Variants in PRAMEF14 observed in about 807,000 individuals in gnomAD.
The protein encoded by PRAMEF14 is PRAME family member 14.
In PRAMEF14, 24 loss-of-function variants were observed where a neutral mutation model predicts 38.3. That is an observed-to-expected ratio of 0.63 (90% CI 0.45 to 0.88). The LOEUF (loss-of-function observed/expected upper bound fraction) is 0.88, where lower values mean the gene tolerates loss of function less well. PRAMEF14 is among the 40% of genes least tolerant of loss of function. The pLI, the probability that PRAMEF14 is intolerant of heterozygous loss-of-function variation, is 0.00. For synonymous variants in PRAMEF14, 194 were observed against 226.4 expected, an observed-to-expected ratio of 0.86 and a Z score of 1.29; for missense variants, 477 against 570.8, an observed-to-expected ratio of 0.84 and a Z score of 1.67.
rs1484682561 is a variant in PRAMEF14, at chr1:13,346,432, T to A, written c.-26+625A>T. Among the ~76,000 whole-genome samples the A allele has an allele frequency of 8.0e-5, 12 of 150,408 alleles. 3 individuals carry two copies. In the East Asian group the frequency reaches 2.6e-3, roughly 32 times the overall value. Reference sequence around the variant, plus strand: ...CTGAAGCAGGAGAATCGCATGTAACTAGGAGGCAGAAATTTCAGTGAGCCA... The same window carrying A: ...CTGAAGCAGGAGAATCGCATGTAACAAGGAGGCAGAAATTTCAGTGAGCCA... On this transcript the variant is annotated intron_variant, in intron 1 of 3. Transcript: ENST00000334600.
In PRAMEF14 at chr1:13,345,016, G is replaced by A; in HGVS notation, c.287+12C>T. 6.8e-7 allele frequency: 1 copy of A among 1,474,118 alleles called. No individual in the cohort carries two copies. The highest frequency in any genetic ancestry group is 9.3e-7 in the Non-Finnish European group (1 of 1,080,068). 91.3% of individuals were successfully genotyped at this position (1,474,118 alleles called of 1,614,324 possible). ...CTGAGCCCTATCTACCAGCCCTCCT[G>A]GGTCACCTCACCTGGGGCGATCCTT... On this transcript the variant is annotated intron_variant, in intron 2 of 3. Transcript: ENST00000334600.
intron 2 of PRAMEF14, 33 bp from the exon 3 acceptor site, chr1:13,344,649 T>C: frequency 6.2e-7 from 1 of 1,603,974 alleles, no homozygotes; most frequent in Non-Finnish European, 8.5e-7. Flanking sequence ...ACTCAGAATT[T>C]AGAAGGACTC....
Position 13,345,150 on chromosome 1 carries a change from C to T in PRAMEF14, c.165G>A (p.Met55Ile), listed in dbSNP as rs1219352356. The T allele has an allele frequency of 6.1e-5, 98 of 1,602,986 alleles. 2 individuals carry two copies. Among genetic ancestry groups the T allele is most frequent in the African/African-American group, 6.0e-4 (45 of 74,652 alleles). ...GGCAGGTGAAGGGCCAGGCCTGCAC[C>T]ATCACCGTCAGAGTCTGGAAGTGTC... The part of the protein sequence containing the change: ...RRRHFQTLTV[M>I]VQAWPFTCLP... The change falls in exon 2 of 4, where the codon ATG becomes ATA. Residue 55 changes from methionine (M) to isoleucine (I), a missense_variant. Around this residue, in one of 4 missense-constraint regions of PRAMEF14, gnomAD observed 58 missense variants for 119.9 expected, o/e 0.48. Coordinates refer to ENST00000334600, the MANE Select transcript of PRAMEF14 (RefSeq NM_001024661.2).
chr1:13,344,100 G>T lies in PRAMEF14; in HGVS notation c.804C>A (p.His268Gln). 6.8e-6 allele frequency: 11 copies of T among 1,608,334 alleles called. No homozygotes were observed. The highest frequency in any genetic ancestry group is 2.4e-5 in the East Asian group (1 of 42,240). The change falls in exon 3 of 4, where the codon CAC (histidine) becomes CAA (glutamine). Residue 268 changes from histidine to glutamine, a missense_variant. His to Gln is a conservative substitution (Grantham distance 24). Around this residue, in one of 4 missense-constraint regions of PRAMEF14, gnomAD observed 234 missense variants for 247.4 expected, o/e 0.95. Transcript: ENST00000334600. ...KFSSVFLRLE[H>Q]LQLLKIKLIT... Reference sequence around the variant, plus strand: ...TCAATTTTATTTTAAGCAACTGGAGGTGTTCCAGCCTGAGGAACACAGAGC... The same window carrying T: ...TCAATTTTATTTTAAGCAACTGGAGTTGTTCCAGCCTGAGGAACACAGAGC...
Position 13,342,940 on chromosome 1 carries a change from TC to T in PRAMEF14, c.1012del (p.Glu338AsnfsTer7), listed in dbSNP as rs771857979. 1 of 1,608,266 alleles carries T rather than the reference TC, an allele frequency of 6.2e-7. No homozygotes were observed. Among genetic ancestry groups the T allele is most frequent in the African/African-American group, 1.3e-5 (1 of 74,830 alleles). On this transcript the variant is annotated frameshift_variant, in exon 4 of 4. Coordinates refer to ENST00000334600, the MANE Select transcript of PRAMEF14 (RefSeq NM_001024661.2). LOFTEE classifies it high-confidence loss of function. ...TTTCTCTAGCAGAGCTCCGAGGGGTTCAAGACTGATGCGGAACAGCAGCACG... is the reference window on the plus strand; with the variant it reads ...TTTCTCTAGCAGAGCTCCGAGGGGTTAAGACTGATGCGGAACAGCAGCACG... ...SYVLLFRISL[E>X]PLGALLEKIA... is the part of the protein sequence containing the mutation.
At position 13,342,838 on chromosome 1, in the gene PRAMEF14, C is replaced by T. The variant is rs769840287; in HGVS notation, c.1115G>A (p.Gly372Asp). The T allele has an allele frequency of 3.1e-6, 5 of 1,608,654 alleles. No homozygotes were observed. The highest frequency in any genetic ancestry group is 1.7e-5 in the Admixed American group (1 of 59,848). The stretch of plus-strand genomic sequence containing the variant: ...GGTGAGCTGGGAGCAGTGGCTCAGG[C>T]CAGGCAGGATGGCACTGAGTTGGGA... ...HYSQLSAILP[G>D]LSHCSQLTTF... The change falls in exon 4 of 4, where the codon GGC becomes GAC. Residue 372 changes from glycine to aspartate, a missense_variant. Coordinates refer to ENST00000334600, the MANE Select transcript of PRAMEF14 (RefSeq NM_001024661.2).
intron 1 of PRAMEF14, among the ~76,000 whole-genome samples, chr1:13,346,136 G>GA (rs1314649468): frequency 2.0e-5 from 3 of 146,950 alleles, no homozygotes; most frequent in Non-Finnish European, 4.5e-5. Flanking sequence ...GTACATCGCA[G>GA]AAAAAAAACA....
Position 13,343,550 on chromosome 1 carries a change from C to T in PRAMEF14, c.867-464G>A, listed in dbSNP as rs1640360252. 12 of 1,311,254 alleles carry T rather than the reference C, an allele frequency of 9.2e-6. 1 individual carries two copies. The South Asian group carries it at 1.5e-4, about 16-fold the overall frequency. The allele number at this position is 1,311,254 out of a possible 1,614,324, so 81.2% of individuals were successfully genotyped here. A position where few individuals can be genotyped will look rare whatever the true frequency, so the allele number is the denominator to read the frequency against. On this transcript the variant is annotated intron_variant, in intron 3 of 3. Transcript: ENST00000334600. ...CTCCATCCCAGAAGCACACATTTCC[C>T]ATGTCAGTTACCTTTCCTGGAGTTC...
intron 1 of PRAMEF14, among the ~76,000 whole-genome samples, 171 bp downstream of exon 1, chr1:13,346,886 A>G (rs1485613570): frequency 2.7e-5 from 4 of 150,340 alleles, no homozygotes; most frequent in Non-Finnish European, 5.9e-5. Flanking sequence ...ACAAATCACA[A>G]TTTGATGGAT....
chr1:13,343,271 G>A (rs1158263434), intron 3 of PRAMEF14, among the ~76,000 whole-genome samples, 185 bp from the exon 4 acceptor site: 2 of 149,396 alleles, frequency 1.3e-5, no homozygotes, highest in Non-Finnish European at 3.0e-5. Flanking sequence ...TTTAGCCTCA[G>A]CCCTTTCAAC....
rs1176182991 is a variant in PRAMEF14, at chr1:13,344,496, C to T, written c.408G>A (p.Glu136=). Residue 136 remains glutamate, a synonymous_variant, in exon 3 of 4, where the codon GAG becomes GAA. Transcript: ENST00000334600. ...PETMSKRQTA[E]DCPRMGEHQP... ...GGTGCTCTCCCATCCTTGGACAGTC[C>T]TCTGCTGTCTGCCTCTTACTCATGG... 7.5e-6 allele frequency: 12 copies of T among 1,607,280 alleles called. No homozygotes were observed. In the South Asian group the frequency reaches 1.2e-4, roughly 16 times the overall value.
At chr1:13,343,324 C>CTT (rs1162125868) in intron 3 of PRAMEF14, among the ~76,000 whole-genome samples, 5 of 127,260 alleles carry the variant, frequency 3.9e-5, no homozygotes, top group African/African-American at 1.4e-4. Context: ...TCTCTAAAGC[C>CTT]TTTTTTTTTT....
chr1:13,342,868 T>A lies in PRAMEF14; in HGVS notation c.1085A>T (p.His362Leu), dbSNP rs771973232. The A allele has an allele frequency of 6.2e-7, 1 of 1,609,172 alleles. No homozygotes were observed. The highest frequency in any genetic ancestry group is 2.3e-5 in the East Asian group (1 of 43,578). ...CAGGATGGCACTGAGTTGGGAGTAG[T>A]GGATCTGACAGCCCTCCAAGATGAG... ...ETLILEGCQI[H>L]YSQLSAILPG... The change falls in exon 4 of 4, where the codon CAC (histidine) becomes CTC (leucine). Residue 362 changes from histidine (H) to leucine (L), a missense_variant. Around this residue, in one of 4 missense-constraint regions of PRAMEF14, gnomAD observed 151 missense variants for 137.4 expected, o/e 1.10. Transcript: ENST00000334600.
chr1:13,342,694 T>C lies in PRAMEF14; in HGVS notation c.1259A>G (p.Asn420Ser). The C allele has an allele frequency of 1.2e-6, 2 of 1,605,120 alleles. No homozygotes were observed. Among genetic ancestry groups the C allele is most frequent in the South Asian group, 2.2e-5 (2 of 90,536 alleles). The change falls in exon 4 of 4, where the codon AAT (asparagine) becomes AGT (serine). Residue 420 changes from asparagine to serine, a missense_variant. Transcript: ENST00000334600. The stretch of plus-strand genomic sequence containing the variant: ...CTCCCAATCGACACGAACCAAGGAA[T>C]TCAAACTCTCCTCAGGGGCAGGATA... Reference protein sequence around the residue: ...ETYPAPEESLNSLVRVDWEIF... With the variant: ...ETYPAPEESLSSLVRVDWEIF...
intron 1 of PRAMEF14, among the ~76,000 whole-genome samples, chr1:13,345,754 AACACT>A (rs1640394866): frequency 2.9e-3 from 422 of 147,704 alleles, no homozygotes; most frequent in South Asian, 5.3e-3. Context: ...CTGTAATCCC[AACACT>A]GCTGGACACC....
intron 1 of PRAMEF14, among the ~76,000 whole-genome samples, chr1:13,345,885 G>A (rs1363759873): frequency 1.3e-5 from 2 of 151,930 alleles, no homozygotes; most frequent in East Asian, 4.0e-4. Flanking sequence ...GAAGGCAGAG[G>A]TTGCAGTGAG....
intron 2 of PRAMEF14, 131 bp from the exon 3 acceptor site, chr1:13,344,747 C>G: frequency 6.8e-7 from 1 of 1,464,800 alleles, no homozygotes; most frequent in South Asian, 1.3e-5. Context: ...TTCTCAATCC[C>G]TGTTCCCTTT....
chr1:13,342,873 C>T lies in PRAMEF14; in HGVS notation c.1080G>A (p.Gln360=). The T allele has an allele frequency of 6.2e-7, 1 of 1,609,200 alleles. No individual in the cohort carries two copies. Among genetic ancestry groups the T allele is most frequent in the Non-Finnish European group, 8.5e-7 (1 of 1,179,204 alleles). ...SLETLILEGC[Q]IHYSQLSAIL... ...TGGCACTGAGTTGGGAGTAGTGGATCTGACAGCCCTCCAAGATGAGGGTTT... is the reference window on the plus strand; with the variant it reads ...TGGCACTGAGTTGGGAGTAGTGGATTTGACAGCCCTCCAAGATGAGGGTTT... The change falls in exon 4 of 4, where the codon CAG becomes CAA. Residue 360 remains glutamine, a synonymous_variant. Transcript: ENST00000334600.
rs1482726725 is a variant in PRAMEF14, at chr1:13,347,104, A to C, written c.-73T>G. The C allele has an allele frequency of 4.7e-5, 7 of 150,164 alleles. 1 individual carries two copies. The highest frequency in any genetic ancestry group is 8.9e-5 in the Non-Finnish European group (6 of 67,584). 9.3% of individuals were successfully genotyped at this position (150,164 alleles called of 1,614,324 possible). ...AGTTCTGGGACCTCTCAGGGAACCA[A>C]GCAGTAGCTCCAGGAATGAGTGCTG... On this transcript the variant is annotated 5_prime_UTR_variant, in exon 1 of 4. Transcript: ENST00000334600.
Sources: gnomAD v4.1 joint callset for allele counts (sites outside exome capture counted in the v4.1 genomes callset) on GRCh38, gnomAD v4.1.1 for gene constraint, gnomAD v4.1.1 regional missense constraint, MANE v1.5 for transcripts, NCBI Gene and HGNC (gene_info 2026-07-23, HGNC 2026-07-21) for gene names.